The following ADAMTS19 variants were observed in gnomAD, a reference collection of about 807,000 sequenced individuals.
The protein encoded by ADAMTS19 is A disintegrin and metalloproteinase with thrombospondin motifs 19.
Under a neutral mutation model 153.3 loss-of-function variants are expected in ADAMTS19, and 93 were observed. That is an observed-to-expected ratio of 0.61 (90% CI 0.51 to 0.72). The LOEUF is 0.72. Ranked by LOEUF, ADAMTS19 falls within the 30% of genes least tolerant of loss-of-function variation. The probability of loss-of-function intolerance (pLI) is 0.00; values close to 1 mark genes in which losing one functional copy is unlikely to be tolerated. For synonymous variants in ADAMTS19, 600 were observed against 556.6 expected, an observed-to-expected ratio of 1.08 and a Z score of -1.10; for missense variants, 1,482 against 1,552.1, an observed-to-expected ratio of 0.95 and a Z score of 0.76.
chr5:129,513,150 T>C (rs1348539900), intron 3 of ADAMTS19, among the ~76,000 whole-genome samples: 1 of 151,718 alleles, frequency 6.6e-6, no homozygotes, highest in Non-Finnish European at 1.5e-5. Flanking sequence ...ACTATTTATC[T>C]AGTCACTTGA....
At chr5:129,464,307 T>C (rs1749784861) in intron 2 of ADAMTS19, among the ~76,000 whole-genome samples, 1 of 152,218 alleles carries the variant, frequency 6.6e-6, no homozygotes, top group Non-Finnish European at 1.5e-5. Context: ...ATCTCAAGAA[T>C]TCTGTGATCC....
intron 10 of ADAMTS19, among the ~76,000 whole-genome samples, chr5:129,637,333 C>G (rs186627782): frequency 1.1e-4 from 17 of 152,250 alleles, no homozygotes; most frequent in Middle Eastern, 6.8e-3. Flanking sequence ...TCAAACTTAC[C>G]TGTATTCTGA....
intron 10 of ADAMTS19, among the ~76,000 whole-genome samples, chr5:129,634,033 A>C (rs1197780741): frequency 6.6e-6 from 1 of 152,100 alleles, no homozygotes; most frequent in African/African-American, 2.4e-5. Context: ...TCGTGAGTCT[A>C]TAAGATGATA....
chr5:129,673,320 C>T (rs1754396373), intron 16 of ADAMTS19, among the ~76,000 whole-genome samples: 1 of 151,958 alleles, frequency 6.6e-6, no homozygotes, highest in Non-Finnish European at 1.5e-5. Context: ...CTATAGGATT[C>T]CCTCTAACCA....
At chr5:129,694,696 T>A (rs781020333) in intron 18 of ADAMTS19, 24 bp from the exon 19 acceptor site, 3 of 1,513,020 alleles carry the variant, frequency 2.0e-6, no homozygotes, top group East Asian at 4.9e-5. Flanking sequence ...TAATAATATT[T>A]CTTTGTTTAT....
At chr5:129,470,898 G>GA (rs1750041418) in intron 2 of ADAMTS19, among the ~76,000 whole-genome samples, 1 of 152,030 alleles carries the variant, frequency 6.6e-6, no homozygotes, top group South Asian at 2.1e-4. Flanking sequence ...ACATTCAAAG[G>GA]ATAAACATAA....
At chr5:129,658,550 C>G (rs1288370063) in intron 14 of ADAMTS19, 67 bp from the exon 15 acceptor site, 1 of 1,536,100 alleles carries the variant, frequency 6.5e-7, no homozygotes, top group African/African-American at 1.4e-5. Flanking sequence ...TAGGTTTGTC[C>G]CAAATTAGTA....
At chr5:129,663,313 C>T (rs916284207) in intron 15 of ADAMTS19, among the ~76,000 whole-genome samples, 1 of 152,174 alleles carries the variant, frequency 6.6e-6, no homozygotes, top group South Asian at 2.1e-4. Flanking sequence ...CATGCCTTAA[C>T]TTGGTGATTC....
At chr5:129,509,329 T>A in intron 3 of ADAMTS19, 87 bp downstream of exon 3, 2 of 1,125,760 alleles carry the variant, frequency 1.8e-6, no homozygotes, top group Non-Finnish European at 2.5e-6. Flanking sequence ...ATTTACTAGC[T>A]TTACTTATTT....
At chr5:129,564,927 A>G (rs1753653173) in intron 7 of ADAMTS19, among the ~76,000 whole-genome samples, 1 of 152,188 alleles carries the variant, frequency 6.6e-6, no homozygotes, top group Admixed American at 6.5e-5. Flanking sequence ...ATATAAGGTA[A>G]ACATATATTT....
At chr5:129,540,417 T>G (rs1344075504) in intron 6 of ADAMTS19, among the ~76,000 whole-genome samples, 1 of 152,110 alleles carries the variant, frequency 6.6e-6, no homozygotes, top group Non-Finnish European at 1.5e-5. Context: ...AACTCTCAAC[T>G]CTATGATTTC....
intron 8 of ADAMTS19, among the ~76,000 whole-genome samples, chr5:129,610,076 C>T (rs1751121339): frequency 1.5e-5 from 2 of 129,624 alleles, no homozygotes; most frequent in African/African-American, 2.9e-5. Flanking sequence ...TGAATGCTTA[C>T]ATTCTAGGTA....
intron 6 of ADAMTS19, among the ~76,000 whole-genome samples, chr5:129,536,481 A>C (rs1271012790): frequency 6.6e-6 from 1 of 152,214 alleles, no homozygotes; most frequent in Non-Finnish European, 1.5e-5. Context: ...AAACTAGTTC[A>C]ACCATTGTGG....
intron 2 of ADAMTS19, among the ~76,000 whole-genome samples, chr5:129,466,520 A>G (rs1384740141): frequency 6.6e-6 from 1 of 152,160 alleles, no homozygotes; most frequent in Non-Finnish European, 1.5e-5. Flanking sequence ...CTGAAATTAT[A>G]TTTTTGTTAG....
chr5:129,665,679 A>G (rs374431958), intron 16 of ADAMTS19, 100 bp downstream of exon 16: 5 of 929,756 alleles, frequency 5.4e-6, no homozygotes, highest in East Asian at 3.0e-5. Context: ...TTCTAGTTTT[A>G]TGTTTGAACT....
intron 6 of ADAMTS19, 127 bp downstream of exon 6, chr5:129,528,804 G>A (rs1410220194): frequency 2.9e-6 from 2 of 683,654 alleles, no homozygotes; most frequent in East Asian, 6.8e-5. Flanking sequence ...TTGGCATAAT[G>A]ATGTTAGTCA....
intron 21 of ADAMTS19, among the ~76,000 whole-genome samples, chr5:129,707,537 C>T (rs1175851695): frequency 6.6e-6 from 1 of 152,164 alleles, no homozygotes; most frequent in Non-Finnish European, 1.5e-5. Flanking sequence ...TATGACATTA[C>T]TTTCATGTTA....
At chr5:129,558,124 AAT>A (rs1398617881) in intron 7 of ADAMTS19, among the ~76,000 whole-genome samples, 3 of 152,158 alleles carry the variant, frequency 2.0e-5, no homozygotes, top group East Asian at 1.9e-4. Context: ...ACAACTTGTA[AAT>A]ATCTTTCCTT....
intron 8 of ADAMTS19, among the ~76,000 whole-genome samples, chr5:129,604,516 C>A (rs947986329): frequency 1.3e-5 from 2 of 152,038 alleles, no homozygotes; most frequent in African/African-American, 2.4e-5. Context: ...GGTGAGGAAC[C>A]ATATCTGTTT....
Sources: gnomAD v4.1 joint callset for allele counts (sites outside exome capture counted in the v4.1 genomes callset) on GRCh38, gnomAD v4.1.1 for gene constraint, MANE v1.5 for transcripts, NCBI Gene and HGNC (gene_info 2026-07-23, HGNC 2026-07-21) for gene names.